PDXDC1: variants seen among roughly 807,000 people sequenced by gnomAD.
PDXDC1 encodes pyridoxal-dependent decarboxylase domain-containing protein 1.
Under a neutral mutation model 100.1 loss-of-function variants are expected in PDXDC1, and 42 were observed. The ratio of observed to expected loss-of-function variants is 0.42; its 90% CI spans 0.33 to 0.54. The LOEUF is 0.54. Among genes scored for constraint, PDXDC1 ranks in the 20% least tolerant of loss-of-function variants. The probability of loss-of-function intolerance (pLI) is 0.10; values close to 1 mark genes in which losing one functional copy is unlikely to be tolerated. For missense variants in PDXDC1, 636 were observed against 979.2 expected, an observed-to-expected ratio of 0.65 and a Z score of 4.68; for synonymous variants, 260 against 371.7, an observed-to-expected ratio of 0.70 and a Z score of 3.46.
chr16:15,022,912 AAAAC>A lies in PDXDC1; in HGVS notation c.1140+162_1140+165del, dbSNP rs1441146237. 3.9e-5 allele frequency among the ~76,000 whole-genome samples: 6 copies of A among 152,400 alleles called. No homozygotes were observed. In the East Asian group the frequency reaches 1.2e-3, roughly 29 times the overall value. ...AAACAAAAAAACGAAACAAAAAACA[AAAAC>A]AAAAAAACCTGCTTATATTTATACA... On this transcript the variant is annotated intron_variant, in intron 13 of 22. Transcript: ENST00000396410.
intron 16 of PDXDC1, chr16:15,094,251 A>C: frequency 6.4e-7 from 1 of 1,554,972 alleles, no homozygotes; most frequent in Non-Finnish European, 8.7e-7. Context: ...AACTAACGCG[A>C]CCGCTGCGCC....
At chr16:15,025,525 A>G (rs2042530758) in intron 13 of PDXDC1, 1 of 152,500 alleles carries the variant, frequency 6.6e-6, no homozygotes, top group South Asian at 2.1e-4. Context: ...GGCCCCCTAA[A>G]TAATTGGCAG....
At chr16:15,114,934 T>G (rs1183950240) in intron 16 of PDXDC1, among the ~76,000 whole-genome samples, 1 of 145,822 alleles carries the variant, frequency 6.9e-6, no homozygotes, top group Non-Finnish European at 1.5e-5. Context: ...AAAATTTTTT[T>G]TTTTTTTTTT....
intron 16 of PDXDC1, chr16:15,045,724 CAACT>C (rs1277214396): frequency 3.3e-5 from 5 of 152,260 alleles, no homozygotes; most frequent in Admixed American, 1.3e-4. Flanking sequence ...CTGAAAAATC[CAACT>C]AACTTTCTTG....
At chr16:14,976,174 C>T (rs930402415) in intron 1 of PDXDC1, among the ~76,000 whole-genome samples, 10 of 152,294 alleles carry the variant, frequency 6.6e-5, no homozygotes, top group South Asian at 2.1e-4. Context: ...TTCTGCCCTC[C>T]CTCAAAGCCC....
At chr16:15,140,023 G>A (rs1184693214), downstream of PDXDC1, among the ~76,000 whole-genome samples, 1 of 148,448 alleles carries the variant, frequency 6.7e-6, no homozygotes, top group Non-Finnish European at 1.5e-5. Flanking sequence ...CGTGAACCCG[G>A]GAGGCGAAGG....
rs1039249565 is a variant in PDXDC1, at chr16:15,037,792, C to T, written c.*1517C>T. On this transcript the variant is annotated 3_prime_UTR_variant, in exon 23 of 23. Transcript: ENST00000396410. Reference sequence around the variant, plus strand: ...GTAGGTTCTCCTCTGCCCGTTATTACCGACCAAAAAAAAAACTGGACATCA... The same window carrying T: ...GTAGGTTCTCCTCTGCCCGTTATTATCGACCAAAAAAAAAACTGGACATCA... 2.2e-5 allele frequency: 9 copies of T among 408,132 alleles called. No homozygotes were observed. Among genetic ancestry groups the T allele is most frequent in the Admixed American group, 4.7e-5 (1 of 21,364 alleles). 25.3% of individuals were successfully genotyped at this position (408,132 alleles called of 1,614,324 possible). A position where few individuals can be genotyped will look rare whatever the true frequency, so the allele number is the denominator to read the frequency against.
intron 16 of PDXDC1, among the ~76,000 whole-genome samples, chr16:15,078,812 CTTTTTTTT>C (rs5816111): frequency 4.3e-5 from 5 of 117,640 alleles, no homozygotes; most frequent in South Asian, 2.8e-4. Flanking sequence ...GTATTTTTTT[CTTTTTTTT>C]TTTTTTTTTG....
intron 16 of PDXDC1, chr16:15,125,495 G>A (rs564253733): frequency 2.3e-5 from 29 of 1,267,710 alleles, no homozygotes; most frequent in Non-Finnish European, 3.2e-5. Context: ...CACACCCCCG[G>A]TACTCCAGAC....
At chr16:15,051,148 G>A (rs754843980) in intron 16 of PDXDC1, among the ~76,000 whole-genome samples, 7 of 152,194 alleles carry the variant, frequency 4.6e-5, no homozygotes, top group Admixed American at 1.3e-4. Context: ...AAGGGAGGGC[G>A]CAAAGGCGAA....
intron 4 of PDXDC1, 67 bp from the exon 5 acceptor site, chr16:15,004,120 T>A (rs1973764040): frequency 7.0e-7 from 1 of 1,426,464 alleles, no homozygotes; most frequent in South Asian, 1.2e-5. Flanking sequence ...TTCTGTGGAA[T>A]TCTGTGTCTC....
At chr16:15,046,461 G>C (rs907053918) in intron 16 of PDXDC1, among the ~76,000 whole-genome samples, 1 of 152,118 alleles carries the variant, frequency 6.6e-6, no homozygotes, top group African/African-American at 2.4e-5. Context: ...GTGTGCTCCA[G>C]CACATCGAGC....
chr16:14,999,282 G>T (rs1162595143), intron 3 of PDXDC1, among the ~76,000 whole-genome samples: 1 of 152,260 alleles, frequency 6.6e-6, no homozygotes, highest in Non-Finnish European at 1.5e-5. Flanking sequence ...GGCCAGGACG[G>T]TCTCCATCTC....
intron 8 of PDXDC1, among the ~76,000 whole-genome samples, chr16:15,014,847 G>A (rs1288687874): frequency 1.3e-5 from 2 of 152,296 alleles, no homozygotes; most frequent in African/African-American, 4.8e-5. Context: ...GGGAGCGGCT[G>A]AAAGTGCTTA....
At chr16:14,998,937 A>G (rs1303434497) in intron 3 of PDXDC1, among the ~76,000 whole-genome samples, 2 of 152,186 alleles carry the variant, frequency 1.3e-5, no homozygotes, top group African/African-American at 4.8e-5. Context: ...AATTTAATAG[A>G]TGCTAAGTAC....
chr16:15,042,624 AC>A (rs1267174362), downstream of PDXDC1, among the ~76,000 whole-genome samples: 1 of 152,178 alleles, frequency 6.6e-6, no homozygotes, highest in Non-Finnish European at 1.5e-5. Flanking sequence ...GTAATGTTCT[AC>A]CGCTCATCTT....
rs1217619788 is a variant in PDXDC1, at chr16:15,007,161, T to C, written c.579+578T>C. On this transcript the variant is annotated intron_variant, in intron 6 of 22. Coordinates refer to ENST00000396410, the MANE Select transcript of PDXDC1 (RefSeq NM_015027.4). ...TTGCTGGATCAAAGAGCATGACTTT[T>C]TTTTTTTTTTTTTTTTTTTTTTTTT... Among the ~76,000 whole-genome samples the C allele has an allele frequency of 2.2e-3, 175 of 80,058 alleles. 1 individual carries two copies. The East Asian group carries it at 0.03, about 14-fold the overall frequency. The allele number at this position is 80,058 out of a possible 152,430, so 52.5% of individuals were successfully genotyped here.
chr16:15,132,616 G>A (rs1476235410), intron 16 of PDXDC1: 15 of 782,284 alleles, frequency 1.9e-5, no homozygotes, highest in Non-Finnish European at 3.2e-5. Context: ...AGGAGCCCAG[G>A]CTGGAGGCTC....
chr16:15,091,433 G>A (rs2046126383), intron 16 of PDXDC1: 1 of 1,121,242 alleles, frequency 8.9e-7, no homozygotes. Context: ...TCAACAGCAA[G>A]ACTTTTAACC....
Sources: allele counts gnomAD v4.1 joint callset (sites outside exome capture counted in the v4.1 genomes callset), GRCh38; gene constraint gnomAD v4.1.1; transcripts MANE v1.5; gene names NCBI Gene and HGNC (gene_info 2026-07-23, HGNC 2026-07-21).